Variants in BRAF observed in about 807,000 individuals in gnomAD.
BRAF encodes serine/threonine-protein kinase B-raf.
Under a neutral mutation model 104.6 loss-of-function variants are expected in BRAF, and 16 were observed. The ratio of observed to expected loss-of-function variants is 0.15; its 90% CI spans 0.10 to 0.23. BRAF has a LOEUF of 0.23. Ranked by LOEUF, BRAF falls within the 10% of genes least tolerant of loss-of-function variation. The pLI, the probability that BRAF is intolerant of heterozygous loss-of-function variation, is 1.00. For synonymous variants in BRAF, 310 were observed against 341.6 expected, an observed-to-expected ratio of 0.91 and a Z score of 1.02; for missense variants, 541 against 937.3, an observed-to-expected ratio of 0.58 and a Z score of 5.52.
At chr7:140,852,476 A>G (rs1046106335) in intron 1 of BRAF, among the ~76,000 whole-genome samples, 1 of 152,150 alleles carries the variant, frequency 6.6e-6, no homozygotes, top group Non-Finnish European at 1.5e-5. Context: ...CTGAACTTTA[A>G]CAAAATGATT....
rs1809022262 is a variant in BRAF at position 140,850,280 on chromosome 7, A to G, written c.139-68T>C. On this transcript the variant is annotated intron_variant, in intron 1 of 19. Coordinates refer to ENST00000644969, the MANE Select transcript of BRAF (RefSeq NM_001374258.1). The stretch of plus-strand genomic sequence containing the variant: ...ATATGAATTAGAAATATTTTAACAT[A>G]GACAACTACATCACAGTAACTGCCA... The G allele has an allele frequency of 3.3e-6, 4 of 1,216,012 alleles. No homozygotes were observed. In the Admixed American group the frequency reaches 5.2e-5, roughly 16 times the overall value. 75.3% of individuals were successfully genotyped at this position (1,216,012 alleles called of 1,614,324 possible).
At chr7:140,922,485 T>C (rs1818333155) in intron 1 of BRAF, among the ~76,000 whole-genome samples, 3 of 152,238 alleles carry the variant, frequency 2.0e-5, no homozygotes, top group African/African-American at 7.2e-5. Context: ...ACGGTTCTAA[T>C]AACTCTGCAG....
chr7:140,816,969 A>G (rs1187893926), intron 3 of BRAF, among the ~76,000 whole-genome samples: 1 of 151,990 alleles, frequency 6.6e-6, no homozygotes, highest in African/African-American at 2.4e-5. Context: ...GAGCAATTGG[A>G]TAAGAGAAAA....
At position 140,724,993 on chromosome 7, in the gene BRAF, T is replaced by C. The variant is rs934830606; in HGVS notation, c.*1501A>G. ...AGGTTCTTAATGAATGCCAGTTCTT[T>C]CTATAAAAACAACTGATGACAGCTT... On this transcript the variant is annotated 3_prime_UTR_variant, in exon 20 of 20. Transcript: ENST00000644969. 2 of 1,045,486 alleles carry C rather than the reference T, an allele frequency of 1.9e-6. No individual in the cohort carries two copies. Among genetic ancestry groups the C allele is most frequent in the African/African-American group, 3.3e-5 (2 of 59,982 alleles). The allele number at this position is 1,045,486 out of a possible 1,614,324, so 64.8% of individuals were successfully genotyped here. A position where few individuals can be genotyped will look rare whatever the true frequency, so the allele number is the denominator to read the frequency against.
Position 140,724,288 on chromosome 7 carries a change from C to G in BRAF, c.*2206G>C, listed in dbSNP as rs1795475909. ...AGGACATGAAACACATCCTCTTGTT[C>G]AAGCCCAGGTCTCTCTACCTGCGGA... On this transcript the variant is annotated 3_prime_UTR_variant, in exon 20 of 20. Coordinates refer to ENST00000644969, the MANE Select transcript of BRAF (RefSeq NM_001374258.1). 1 of 1,057,842 alleles carries G rather than the reference C, an allele frequency of 9.5e-7. No individual in the cohort carries two copies. Among genetic ancestry groups the G allele is most frequent in the African/African-American group, 1.7e-5 (1 of 60,590 alleles). 65.5% of individuals were successfully genotyped at this position (1,057,842 alleles called of 1,614,324 possible).
intron 4 of BRAF, 65 bp from the exon 5 acceptor site, chr7:140,808,127 T>C (rs1803845943): frequency 1.6e-6 from 2 of 1,280,190 alleles, no homozygotes; most frequent in Admixed American, 1.7e-5. Flanking sequence ...TACCTCATGC[T>C]GAAGATATGA....
In BRAF at chr7:140,723,256, G is replaced by A; in HGVS notation, c.*3238C>T. On this transcript the variant is annotated 3_prime_UTR_variant, in exon 20 of 20. Coordinates refer to ENST00000644969, the MANE Select transcript of BRAF (RefSeq NM_001374258.1). ...CAAGGTAACATCCTGTGATGAAAGT[G>A]CTGTCACCGCACCAAACCAGAAGCT... 1 of 1,056,240 alleles carries A rather than the reference G, an allele frequency of 9.5e-7. No individual in the cohort carries two copies. Among genetic ancestry groups the A allele is most frequent in the Non-Finnish European group, 1.1e-6 (1 of 873,736 alleles). The allele number at this position is 1,056,240 out of a possible 1,614,324, so 65.4% of individuals were successfully genotyped here.
chr7:140,796,607 T>C (rs754923677), intron 7 of BRAF, among the ~76,000 whole-genome samples: 1 of 152,200 alleles, frequency 6.6e-6, no homozygotes, highest in Non-Finnish European at 1.5e-5. Flanking sequence ...AGAATGTATA[T>C]ATTAGAAAAT....
Position 140,889,256 on chromosome 7 carries a change from A to G in BRAF, c.138+35310T>C, listed in dbSNP as rs538295706. On this transcript the variant is annotated intron_variant, in intron 1 of 19. Coordinates refer to ENST00000644969, the MANE Select transcript of BRAF (RefSeq NM_001374258.1). ...TTTAAAAAAATTATCCAGGCTACTT[A>G]AAATATGAATTTGTACACACTATTA... Among the ~76,000 whole-genome samples, 16 of 152,354 alleles carry G rather than the reference A, an allele frequency of 1.1e-4. 1 individual carries two copies. In the South Asian group the frequency reaches 3.3e-3, roughly 32 times the overall value.
At chr7:140,840,233 C>T in intron 2 of BRAF, among the ~76,000 whole-genome samples, 1 of 152,090 alleles carries the variant, frequency 6.6e-6, no homozygotes, top group East Asian at 1.9e-4. Flanking sequence ...TACTATAAAA[C>T]TCTTAGGAAA....
intron 3 of BRAF, among the ~76,000 whole-genome samples, chr7:140,816,812 G>A (rs763945677): frequency 2.6e-5 from 4 of 151,950 alleles, no homozygotes; most frequent in African/African-American, 4.8e-5. Flanking sequence ...TTTAGGTACC[G>A]TTTCAGACTT....
intron 1 of BRAF, among the ~76,000 whole-genome samples, chr7:140,894,270 T>A (rs1261857801): frequency 6.6e-6 from 1 of 152,190 alleles, no homozygotes; most frequent in African/African-American, 2.4e-5. Context: ...AAGGAAGCCA[T>A]TCTTGGCAGA....
In BRAF at chr7:140,722,273, A is replaced by G; in HGVS notation, c.*4221T>C. ...TACCTGTGTGTTTTCTCATTGTTAA[A>G]TGTGATTTTGGCTATAAACTCTTTA... On this transcript the variant is annotated 3_prime_UTR_variant, in exon 20 of 20. Transcript: ENST00000644969. 2 of 1,055,938 alleles carry G rather than the reference A, an allele frequency of 1.9e-6. No homozygotes were observed. Among genetic ancestry groups the G allele is most frequent in the Non-Finnish European group, 2.3e-6 (2 of 873,488 alleles). 65.4% of individuals were successfully genotyped at this position (1,055,938 alleles called of 1,614,324 possible). A position where few individuals can be genotyped will look rare whatever the true frequency, so the allele number is the denominator to read the frequency against.
intron 1 of BRAF, among the ~76,000 whole-genome samples, chr7:140,863,006 G>C (rs1378952352): frequency 6.6e-6 from 1 of 152,022 alleles, no homozygotes; most frequent in Non-Finnish European, 1.5e-5. Context: ...AACCTTTTTG[G>C]ACATGTTAAG....
At chr7:140,737,305 A>G (rs1758004612) in intron 18 of BRAF, among the ~76,000 whole-genome samples, 1 of 152,194 alleles carries the variant, frequency 6.6e-6, no homozygotes, top group Non-Finnish European at 1.5e-5. Flanking sequence ...AAAATTTTAC[A>G]TAGAATGCTC....
intron 1 of BRAF, among the ~76,000 whole-genome samples, chr7:140,869,619 T>C (rs76922672): frequency 2.0e-4 from 30 of 149,824 alleles, no homozygotes; most frequent in African/African-American, 6.9e-4. Context: ...GGCAGCAGAC[T>C]GAGACTCTGT....
chr7:140,790,741 T>A (rs979415177), intron 8 of BRAF, among the ~76,000 whole-genome samples: 3 of 152,200 alleles, frequency 2.0e-5, no homozygotes, highest in Non-Finnish European at 4.4e-5. Context: ...TCCTCTCTTG[T>A]TATCTTCAAT....
chr7:140,763,199 C>T (rs1257936324), intron 14 of BRAF, among the ~76,000 whole-genome samples: 3 of 152,038 alleles, frequency 2.0e-5, no homozygotes, highest in African/African-American at 4.8e-5. Context: ...GAGAGGCGCC[C>T]CTCACCTCCC....
intron 1 of BRAF, among the ~76,000 whole-genome samples, chr7:140,922,906 T>G (rs1818379161): frequency 6.6e-6 from 1 of 152,110 alleles, no homozygotes; most frequent in African/African-American, 2.4e-5. Context: ...GGAAACAGAA[T>G]AAACTAGGAA....
Sources: allele counts gnomAD v4.1 joint callset (sites outside exome capture counted in the v4.1 genomes callset), GRCh38; gene constraint gnomAD v4.1.1; transcripts MANE v1.5; gene names NCBI Gene and HGNC (gene_info 2026-07-23, HGNC 2026-07-21).